Variants in RNF212 observed in about 807,000 individuals in gnomAD.
The protein encoded by RNF212 is ring finger protein 212.
In RNF212, 33 loss-of-function variants were observed where a neutral mutation model predicts 34.7. The observed-to-expected ratio is 0.95, with a 90% CI of 0.72 to 1.27. The LOEUF (loss-of-function observed/expected upper bound fraction) is 1.27. RNF212 is among the 50% of genes most tolerant of loss of function. The pLI, the probability that RNF212 is intolerant of heterozygous loss-of-function variation, is 0.00. For missense variants in RNF212, 377 were observed against 362.2 expected (o/e 1.04, Z -0.33); for synonymous variants, 140 against 136.1 (o/e 1.03, Z -0.20).
At chr4:1,059,215 A>C (rs1461534045) in intron 3 of RNF212, among the ~76,000 whole-genome samples, 1 of 152,188 alleles carries the variant, frequency 6.6e-6, no homozygotes, top group African/African-American at 2.4e-5. Context: ...TGCCCCCGAC[A>C]GGGGTCTTGT....
chr4:1,081,697 A>T, intron 5 of RNF212, 78 bp from the exon 6 acceptor site: 2 of 1,001,476 alleles, frequency 2.0e-6, no homozygotes. Flanking sequence ...TGAAAGTGTA[A>T]GAAGGCTCTG....
rs976384781 is a variant in RNF212 at position 1,097,370 on chromosome 4, C to T, written c.172-531G>A. 4.1e-4 allele frequency among the ~76,000 whole-genome samples: 63 copies of T among 152,110 alleles called. 1 individual carries two copies. Among genetic ancestry groups the T allele is most frequent in the African/African-American group, 1.5e-3 (61 of 41,506 alleles). On this transcript the variant is annotated intron_variant, in intron 2 of 9. Coordinates refer to ENST00000433731, the MANE Select transcript of RNF212 (RefSeq NM_001131034.4). ...TTGTAATCTCAGCACTTTGGGAGGCCGAGGCGGGCGGATCACAAGGTCAGG... is the reference window on the plus strand; with the variant it reads ...TTGTAATCTCAGCACTTTGGGAGGCTGAGGCGGGCGGATCACAAGGTCAGG...
chr4:1,104,778 A>C lies in RNF212; in HGVS notation c.171+3565T>G, dbSNP rs112095307. Among the ~76,000 whole-genome samples the C allele has an allele frequency of 1.9e-3, 288 of 152,258 alleles. 2 individuals are homozygous for C. The highest frequency in any genetic ancestry group is 0.014 in the Middle Eastern group (4 of 294). ...TCCCTCGGGTCCCGATTTGGCCTGC[A>C]ATCTATGAGCTAGAAAGACAATGAA... On this transcript the variant is annotated intron_variant, in intron 2 of 9. Transcript: ENST00000433731.
chr4:1,087,459 TG>T (rs1208812022), intron 4 of RNF212, among the ~76,000 whole-genome samples: 1 of 38,996 alleles, frequency 2.6e-5, no homozygotes, highest in African/African-American at 1.1e-4. Context: ...GGTGACAAGG[TG>T]GGTGGGGGTG....
intron 8 of RNF212, among the ~76,000 whole-genome samples, chr4:1,075,915 A>C (rs1426909473): frequency 6.6e-6 from 1 of 152,140 alleles, no homozygotes; most frequent in African/African-American, 2.4e-5. Context: ...TGCCTGACTC[A>C]GCTCCCAAAG....
intron 1 of RNF212, among the ~76,000 whole-genome samples, chr4:1,109,145 G>C (rs949696653): frequency 6.6e-6 from 1 of 151,772 alleles, no homozygotes; most frequent in Non-Finnish European, 1.5e-5. Context: ...GTGACTGGGC[G>C]TACAGGTGCC....
At chr4:1,073,471 C>T (rs929562025) in intron 9 of RNF212, 128 bp downstream of exon 9, 1 of 780,906 alleles carries the variant, frequency 1.3e-6, no homozygotes. Flanking sequence ...TGTAGCCTCC[C>T]ATGCACCGGG....
At chr4:1,086,315 C>T (rs1478999767) in intron 4 of RNF212, among the ~76,000 whole-genome samples, 1 of 152,038 alleles carries the variant, frequency 6.6e-6, no homozygotes, top group Non-Finnish European at 1.5e-5. Flanking sequence ...GGCACAGCCT[C>T]TGCTGTCAGG....
intron 2 of RNF212, among the ~76,000 whole-genome samples, chr4:1,103,793 C>T (rs1724397022): frequency 6.6e-6 from 1 of 152,132 alleles, no homozygotes; most frequent in Admixed American, 6.5e-5. Context: ...TGATGAAATA[C>T]TGGAAGCTTG....
intron 1 of RNF212, among the ~76,000 whole-genome samples, chr4:1,112,166 C>A (rs572317170): frequency 6.6e-6 from 1 of 152,200 alleles, no homozygotes; most frequent in African/African-American, 2.4e-5. Flanking sequence ...GAGATCCCGC[C>A]ACCGAACTCC....
At chr4:1,101,042 A>C (rs1335541594) in intron 2 of RNF212, 2 of 165,666 alleles carry the variant, frequency 1.2e-5, no homozygotes, top group Non-Finnish European at 2.7e-5. Context: ...TCCAGATGCC[A>C]AAGACTTGAT....
chr4:1,104,366 G>C (rs551244861), intron 2 of RNF212, among the ~76,000 whole-genome samples: 52 of 152,360 alleles, frequency 3.4e-4, no homozygotes, highest in Admixed American at 1.7e-3. Context: ...ACCAGGCTCA[G>C]TGGGTGGCCT....
chr4:1,074,643 C>T (rs1429212672), intron 8 of RNF212, among the ~76,000 whole-genome samples: 1 of 152,144 alleles, frequency 6.6e-6, no homozygotes, highest in African/African-American at 2.4e-5. Context: ...AAGGACGGAC[C>T]CCCCTGCTTG....
chr4:1,073,175 G>T lies in RNF212; in HGVS notation c.593C>A (p.Ser198Tyr). The T allele has an allele frequency of 1.2e-6, 2 of 1,614,006 alleles. No individual in the cohort carries two copies. The highest frequency in any genetic ancestry group is 1.7e-6 in the Non-Finnish European group (2 of 1,179,894). The change falls in exon 10 of 10, where the codon TCT becomes TAT. Residue 198 changes from serine to tyrosine, a missense_variant. Transcript: ENST00000433731. ...DGRMGPHLTA[S>Y]FCFIPWLTLS... ...GGTCAACCATGGGATGAAACAGAAA[G>T]AAGCTGTTAGATGTGGCCCTGCGGG... is the stretch of plus-strand genomic sequence containing the variant.
intron 2 of RNF212, among the ~76,000 whole-genome samples, chr4:1,104,533 C>T (rs543980819): frequency 1.5e-4 from 23 of 152,324 alleles, no homozygotes; most frequent in African/African-American, 5.3e-4. Flanking sequence ...GCTTGCATTT[C>T]AGCATGGGAA....
intron 3 of RNF212, among the ~76,000 whole-genome samples, chr4:1,060,409 C>T (rs976910669): frequency 5.1e-4 from 77 of 152,306 alleles, no homozygotes; most frequent in African/African-American, 1.8e-3. Flanking sequence ...AAGGGGCCGC[C>T]AGGGATGCTA....
downstream of RNF212, among the ~76,000 whole-genome samples, chr4:1,070,259 T>C (rs1167998012): frequency 3.8e-5 from 5 of 131,432 alleles, no homozygotes; most frequent in African/African-American, 8.8e-5. Context: ...TGTAGGACTG[T>C]GCTGTGTCAG....
chr4:1,076,049 C>G (rs2153038804), intron 8 of RNF212, among the ~76,000 whole-genome samples: 1 of 152,326 alleles, frequency 6.6e-6, no homozygotes, highest in Middle Eastern at 3.4e-3. Flanking sequence ...TATGTTAATC[C>G]TGGTCAATTT....
chr4:1,100,210 T>C, intron 2 of RNF212: 1 of 302,802 alleles, frequency 3.3e-6, no homozygotes, highest in Non-Finnish European at 6.5e-6. Flanking sequence ...CCGTGATACT[T>C]CTAGCGTTAG....
Sources: gnomAD v4.1 joint callset for allele counts (sites outside exome capture counted in the v4.1 genomes callset) on GRCh38, gnomAD v4.1.1 for gene constraint, MANE v1.5 for transcripts, NCBI Gene and HGNC (gene_info 2026-07-23, HGNC 2026-07-21) for gene names.